FAM114A1: variants seen among roughly 807,000 people sequenced by gnomAD.
The protein encoded by FAM114A1 is protein NOXP20.
In FAM114A1, 62 loss-of-function variants were observed where a neutral mutation model predicts 64.3. That is an observed-to-expected ratio of 0.96 (90% CI 0.79 to 1.19). The LOEUF (loss-of-function observed/expected upper bound fraction) is 1.19. Among genes scored for constraint, FAM114A1 ranks in the 50% most tolerant of loss-of-function variants. The pLI, the probability that FAM114A1 is intolerant of heterozygous loss-of-function variation, is 0.00. For missense variants in FAM114A1, 645 were observed against 676.3 expected (o/e 0.95, Z 0.51); for synonymous variants, 254 against 251.1 (o/e 1.01, Z -0.11).
chr4:38,945,371 C>A lies in FAM114A1; in HGVS notation c.*1814C>A, dbSNP rs567051655. The A allele has an allele frequency of 7.2e-5, 11 of 152,358 alleles. No individual in the cohort carries two copies. Among genetic ancestry groups the A allele is most frequent in the African/African-American group, 2.6e-4 (11 of 41,586 alleles). 9.4% of individuals were successfully genotyped at this position (152,358 alleles called of 1,614,324 possible). ...GTGGCTGCTTCTCCTGAGCTCCACG[C>A]CTTCATTGCAGCTGCATGTTCGATA... On this transcript the variant is annotated 3_prime_UTR_variant, in exon 15 of 15. Coordinates refer to ENST00000358869, the MANE Select transcript of FAM114A1 (RefSeq NM_138389.4).
chr4:38,920,035 C>T (rs533505929), intron 8 of FAM114A1, among the ~76,000 whole-genome samples: 1 of 152,142 alleles, frequency 6.6e-6, no homozygotes, highest in East Asian at 1.9e-4. Flanking sequence ...ATGGCGAAAC[C>T]CTGTCTCTAC....
At chr4:38,942,277 A>G (rs911757765) in intron 14 of FAM114A1, among the ~76,000 whole-genome samples, 1 of 152,294 alleles carries the variant, frequency 6.6e-6, no homozygotes, top group East Asian at 1.9e-4. Context: ...CTTGTACCTT[A>G]CTGTTAAGGA....
intron 3 of FAM114A1, among the ~76,000 whole-genome samples, chr4:38,889,784 A>C (rs898964845): frequency 2.2e-4 from 33 of 152,190 alleles, no homozygotes; most frequent in African/African-American, 7.5e-4. Context: ...AAAGTAACTA[A>C]AATCCAACAT....
intron 9 of FAM114A1, among the ~76,000 whole-genome samples, chr4:38,923,397 A>G (rs2109755907): frequency 6.6e-6 from 1 of 151,844 alleles, no homozygotes; most frequent in East Asian, 1.9e-4. Flanking sequence ...TAATTTTTGT[A>G]TTTTTAGTAG....
At chr4:38,938,022 C>A (rs972923741) in intron 13 of FAM114A1, among the ~76,000 whole-genome samples, 9 of 136,162 alleles carry the variant, frequency 6.6e-5, no homozygotes, top group Admixed American at 2.2e-4. Flanking sequence ...CAGGTGTGAG[C>A]CACGGCGCCC....
In FAM114A1 at chr4:38,888,439, C is replaced by G. The variant is rs539651120; in HGVS notation, c.349-3304C>G. Among the ~76,000 whole-genome samples, 10 of 152,228 alleles carry G rather than the reference C, an allele frequency of 6.6e-5. No homozygotes were observed. The East Asian group carries it at 1.9e-3, about 29-fold the overall frequency. ...TTGGGAGGCTGAGGCAGGAAGATCA[C>G]TTAAGCCCAGGAGTTGGAGGATGTA... On this transcript the variant is annotated intron_variant, in intron 3 of 14. Transcript: ENST00000358869.
At chr4:38,910,062 G>T (rs1444744002) in intron 7 of FAM114A1, among the ~76,000 whole-genome samples, 1 of 151,882 alleles carries the variant, frequency 6.6e-6, no homozygotes, top group African/African-American at 2.4e-5. Flanking sequence ...GTGAAACCCT[G>T]TCTTTACTAA....
chr4:38,921,200 C>G (rs1719558157), intron 8 of FAM114A1, among the ~76,000 whole-genome samples: 1 of 152,216 alleles, frequency 6.6e-6, no homozygotes, highest in Non-Finnish European at 1.5e-5. Context: ...TTATAAGGTG[C>G]CTTCCCTGTG....
At chr4:38,888,276 G>C (rs185296969) in intron 3 of FAM114A1, among the ~76,000 whole-genome samples, 1 of 151,722 alleles carries the variant, frequency 6.6e-6, no homozygotes, top group African/African-American at 2.4e-5. Context: ...CTAGCACTTC[G>C]AGAGACCAAG....
chr4:38,877,939 A>C, intron 2 of FAM114A1, 132 bp from the exon 3 acceptor site: 4 of 721,036 alleles, frequency 5.5e-6, no homozygotes, highest in Non-Finnish European at 8.8e-6. Flanking sequence ...ACTCCAGCCT[A>C]GGCAACAAGA....
intron 6 of FAM114A1, among the ~76,000 whole-genome samples, chr4:38,906,995 G>C (rs17583068): frequency 0.33 from 50,801 of 152,116 alleles, 8,956 homozygotes; most frequent in East Asian, 0.53. Context: ...GCAAACAAGA[G>C]GGCACAATAT....
At chr4:38,930,585 G>T (rs1005181063) in intron 10 of FAM114A1, among the ~76,000 whole-genome samples, 3 of 152,044 alleles carry the variant, frequency 2.0e-5, no homozygotes, top group African/African-American at 7.2e-5. Flanking sequence ...AGTTTTGCTG[G>T]GTTTTCTCTC....
Position 38,932,344 on chromosome 4 carries a change from C to T in FAM114A1, c.1433C>T (p.Pro478Leu). Residue 478 changes from proline to leucine, a missense_variant, in exon 12 of 15, where the codon CCA (proline) becomes CTA (leucine). Transcript: ENST00000358869. The stretch of plus-strand genomic sequence containing the variant: ...CTTCATGGACAAGAAGAGGAAAAAC[C>T]AGCTCAGGACCAAGCAAAAGTTCTA... ...LILHGQEEEK[P>L]AQDQAKVLIK... The T allele has an allele frequency of 6.3e-7, 1 of 1,597,518 alleles. No individual in the cohort carries two copies. The highest frequency in any genetic ancestry group is 8.5e-7 in the Non-Finnish European group (1 of 1,176,216).
At chr4:38,873,807 A>G (rs1046691769) in intron 2 of FAM114A1, among the ~76,000 whole-genome samples, 3 of 152,150 alleles carry the variant, frequency 2.0e-5, no homozygotes, top group Admixed American at 6.5e-5. Context: ...GGATCAGAGC[A>G]CAGAGGTCCC....
intron 4 of FAM114A1, among the ~76,000 whole-genome samples, chr4:38,903,478 T>G (rs1717696887): frequency 6.6e-6 from 1 of 152,190 alleles, no homozygotes; most frequent in Non-Finnish European, 1.5e-5. Context: ...TGACCTCATT[T>G]TTTTCCTTGA....
At chr4:38,891,284 A>G (rs1318754109) in intron 3 of FAM114A1, among the ~76,000 whole-genome samples, 2 of 152,190 alleles carry the variant, frequency 1.3e-5, no homozygotes, top group Admixed American at 1.3e-4. Flanking sequence ...CACTTTGCCC[A>G]TCATCCATGC....
intron 4 of FAM114A1, among the ~76,000 whole-genome samples, chr4:38,900,092 A>G (rs1207294911): frequency 1.1e-4 from 17 of 152,086 alleles, no homozygotes; most frequent in Admixed American, 1.1e-3. Context: ...GCACATGAAA[A>G]CATGCTCAAC....
chr4:38,936,548 A>ATTTTTTT (rs761417840), intron 13 of FAM114A1, among the ~76,000 whole-genome samples: 6 of 110,310 alleles, frequency 5.4e-5, no homozygotes, highest in Non-Finnish European at 1.1e-4. Flanking sequence ...AAGAGTTTTC[A>ATTTTTTT]TTTTTTTTTT....
At chr4:38,880,486 T>C (rs895796515) in intron 3 of FAM114A1, among the ~76,000 whole-genome samples, 1 of 152,112 alleles carries the variant, frequency 6.6e-6, no homozygotes, top group African/African-American at 2.4e-5. Context: ...ACAATAGCAA[T>C]AACAGCCACA....
Sources: allele counts gnomAD v4.1 joint callset (sites outside exome capture counted in the v4.1 genomes callset), GRCh38; gene constraint gnomAD v4.1.1; transcripts MANE v1.5; gene names NCBI Gene and HGNC (gene_info 2026-07-23, HGNC 2026-07-21).